The following CDH13 variants were observed in gnomAD, a reference collection of about 807,000 sequenced individuals.
CDH13 encodes cadherin 13, also known as cadherin-13.
CDH13 carries 24 observed loss-of-function variants against 63.8 expected under a neutral mutation model. The observed-to-expected ratio is 0.38, with a 90% CI of 0.27 to 0.53. The LOEUF is 0.53. Ranked by LOEUF, CDH13 falls within the 20% of genes least tolerant of loss-of-function variation. The pLI, the probability that CDH13 is intolerant of heterozygous loss-of-function variation, is 0.85. For synonymous variants in CDH13, 503 were observed against 355.3 expected (o/e 1.42, Z -4.67); for missense variants, 1,049 against 903.1 (o/e 1.16, Z -2.07).
intron 1 of CDH13, among the ~76,000 whole-genome samples, chr16:82,668,996 T>C (rs1912929748): frequency 6.6e-6 from 1 of 152,194 alleles, no homozygotes; most frequent in African/African-American, 2.4e-5. Flanking sequence ...AGTGCAGTCC[T>C]GCTGATTTTC....
At chr16:83,066,834 A>T (rs1016729755) in intron 3 of CDH13, among the ~76,000 whole-genome samples, 5 of 152,180 alleles carry the variant, frequency 3.3e-5, no homozygotes. Context: ...TGGAAGACCA[A>T]TTCATAATCA....
intron 2 of CDH13, among the ~76,000 whole-genome samples, chr16:82,929,599 C>A (rs2042413772): frequency 1.5e-5 from 2 of 130,374 alleles, no homozygotes; most frequent in Non-Finnish European, 3.1e-5. Flanking sequence ...TTGCAGTGAG[C>A]AAACGTCACG....
chr16:82,972,166 G>C (rs150123120), intron 2 of CDH13, among the ~76,000 whole-genome samples: 225 of 152,290 alleles, frequency 1.5e-3, no homozygotes, highest in African/African-American at 4.9e-3. Flanking sequence ...AGCAGGACCA[G>C]GGGTTAAAAC....
Position 83,297,004 on chromosome 16 carries a change from T to C in CDH13, c.637-47858T>C, listed in dbSNP as rs560486792. Among the ~76,000 whole-genome samples, 7 of 152,190 alleles carry C rather than the reference T, an allele frequency of 4.6e-5. No homozygotes were observed. The South Asian group carries it at 1.5e-3, about 32-fold the overall frequency. ...TGAGATAAGATATTTGTTTGGGAAA[T>C]CGCTCTGAAGAAGATGGAATGAAGG... On this transcript the variant is annotated intron_variant, in intron 5 of 13. Coordinates refer to ENST00000567109, the MANE Select transcript of CDH13 (RefSeq NM_001257.5).
intron 11 of CDH13, among the ~76,000 whole-genome samples, chr16:83,775,295 T>C (rs943192358): frequency 6.6e-6 from 1 of 151,820 alleles, no homozygotes; most frequent in African/African-American, 2.4e-5. Context: ...GGTATATTTC[T>C]GAATGCAGGT....
intron 1 of CDH13, among the ~76,000 whole-genome samples, chr16:82,840,382 G>GAA (rs11370711): frequency 0.2 from 27,303 of 139,154 alleles, 2,764 homozygotes; most frequent in South Asian, 0.25. Flanking sequence ...CTCTGAAAAG[G>GAA]AAAAAAAAAA....
intron 4 of CDH13, among the ~76,000 whole-genome samples, chr16:83,216,827 T>A (rs2039549226): frequency 6.6e-6 from 1 of 151,236 alleles, no homozygotes; most frequent in Non-Finnish European, 1.5e-5. Flanking sequence ...TGTGTATATA[T>A]GTATATGTAT....
intron 3 of CDH13, among the ~76,000 whole-genome samples, chr16:83,034,087 C>T (rs574467905): frequency 1.5e-3 from 224 of 152,204 alleles, no homozygotes; most frequent in African/African-American, 4.8e-3. Context: ...TTGAGAGCAT[C>T]ATATAGCTTC....
At chr16:83,366,687 TA>T (rs1263460434) in intron 6 of CDH13, among the ~76,000 whole-genome samples, 1 of 152,194 alleles carries the variant, frequency 6.6e-6, no homozygotes, top group Non-Finnish European at 1.5e-5. Context: ...GTGTTGGAAG[TA>T]ATCCTTTATG....
chr16:83,404,032 C>T (rs1229845136), intron 6 of CDH13, among the ~76,000 whole-genome samples: 2 of 152,148 alleles, frequency 1.3e-5, no homozygotes, highest in East Asian at 1.9e-4. Flanking sequence ...AGTGTCTCTT[C>T]TACAGAATAT....
intron 2 of CDH13, among the ~76,000 whole-genome samples, chr16:83,028,214 A>G (rs1915993372): frequency 6.6e-6 from 1 of 152,206 alleles, no homozygotes; most frequent in Non-Finnish European, 1.5e-5. Context: ...GATGAATACT[A>G]ATTGATGATA....
At chr16:83,042,609 T>A (rs377018607) in intron 3 of CDH13, among the ~76,000 whole-genome samples, 1 of 152,198 alleles carries the variant, frequency 6.6e-6, no homozygotes. Context: ...ACCGCCACCA[T>A]GAACACCCTC....
rs190125629 is a variant in CDH13 at position 83,693,640 on chromosome 16, C to T, written c.1538+15179C>T. Among the ~76,000 whole-genome samples the T allele has an allele frequency of 2.2e-4, 34 of 152,218 alleles. No individual in the cohort carries two copies. The East Asian group carries it at 6.6e-3, about 29-fold the overall frequency. On this transcript the variant is annotated intron_variant, in intron 10 of 13. Transcript: ENST00000567109. Reference sequence around the variant, plus strand: ...AAGCAAGCACTCAGAGATGACAGTGCCAGTGAATGAATGGCGAACTGCTAT... The same window carrying T: ...AAGCAAGCACTCAGAGATGACAGTGTCAGTGAATGAATGGCGAACTGCTAT...
At chr16:83,565,734 T>A (rs1367883894) in intron 7 of CDH13, among the ~76,000 whole-genome samples, 1 of 151,944 alleles carries the variant, frequency 6.6e-6, no homozygotes, top group East Asian at 1.9e-4. Context: ...TTTTCTTTTG[T>A]GATAACTGAT....
chr16:82,820,358 T>C (rs2037945464), intron 1 of CDH13, among the ~76,000 whole-genome samples: 1 of 152,320 alleles, frequency 6.6e-6, no homozygotes, highest in Non-Finnish European at 1.5e-5. Flanking sequence ...CAGATACTGT[T>C]CTAAATGCTT....
At chr16:83,103,510 T>C (rs142390400) in intron 3 of CDH13, among the ~76,000 whole-genome samples, 5 of 152,192 alleles carry the variant, frequency 3.3e-5, no homozygotes, top group African/African-American at 1.2e-4. Context: ...CCTCCCAAAG[T>C]ACTGAGATTA....
At chr16:83,332,673 T>TTA (rs1417259330) in intron 5 of CDH13, among the ~76,000 whole-genome samples, 2 of 152,100 alleles carry the variant, frequency 1.3e-5, no homozygotes, top group African/African-American at 4.8e-5. Flanking sequence ...CATCCAAGAG[T>TTA]TATATAAGTT....
chr16:83,356,473 A>G (rs17284098), intron 6 of CDH13, among the ~76,000 whole-genome samples: 13,158 of 152,166 alleles, frequency 0.086, 796 homozygotes, highest in Non-Finnish European at 0.13. Context: ...ACAGGCCACA[A>G]ATGTCAGAAA....
chr16:83,478,306 T>C (rs943863116), intron 6 of CDH13, among the ~76,000 whole-genome samples: 1 of 152,168 alleles, frequency 6.6e-6, no homozygotes, highest in African/African-American at 2.4e-5. Context: ...CCCGGTTGCC[T>C]TGAGAGCGCT....
Sources: gnomAD v4.1 joint callset for allele counts (sites outside exome capture counted in the v4.1 genomes callset) on GRCh38, gnomAD v4.1.1 for gene constraint, MANE v1.5 for transcripts, NCBI Gene and HGNC (gene_info 2026-07-23, HGNC 2026-07-21) for gene names.